The following CCNH variants were observed in gnomAD, a reference collection of about 807,000 sequenced individuals.
The protein encoded by CCNH is cyclin H, also known as cyclin-H.
A neutral mutation model predicts 41.9 loss-of-function variants in CCNH; 31 were observed. The ratio of observed to expected loss-of-function variants is 0.74; its 90% CI spans 0.56 to 1.00. CCNH has a LOEUF of 1.00. Ranked by LOEUF, CCNH falls within the 50% of genes least tolerant of loss-of-function variation. The pLI is 0.00. For synonymous variants in CCNH, 138 were observed against 136.1 expected, an observed-to-expected ratio of 1.01 and a Z score of -0.10; for missense variants, 362 against 388.4, an observed-to-expected ratio of 0.93 and a Z score of 0.57.
chr5:87,313,324 G>A, the CCNH span, among the ~76,000 whole-genome samples: 11 of 152,166 alleles, frequency 7.2e-5, no homozygotes, highest in Non-Finnish European at 1.6e-4. Flanking sequence ...AGGGAAGAGT[G>A]ATAGATAACT....
chr5:87,349,275 T>G, intron 9 of CCNH: 1 of 1,612,270 alleles, frequency 6.2e-7, no homozygotes, highest in Non-Finnish European at 8.5e-7. Context: ...ATTATTCACT[T>G]TATTTCCGGA....
chr5:87,371,590 T>G (rs1215947999), downstream of CCNH, among the ~76,000 whole-genome samples: 2 of 152,206 alleles, frequency 1.3e-5, no homozygotes, highest in East Asian at 3.9e-4. Context: ...TTGAGAAGCT[T>G]AAAAATAACC....
rs1253903016 is a variant in CCNH, at chr5:87,399,499, C to T, written c.767G>A (p.Arg256Lys). ...SQLLDIMKSM[R>K]NLVKKYEPPR... The stretch of plus-strand genomic sequence containing the variant: ...TGGTTCATACTTCTTTACTAAGTTT[C>T]TCATGCCTATGTGGATACAAAAAAA... The change falls in exon 7 of 9, where the codon AGA (arginine) becomes AAA (lysine). Residue 256 changes from arginine to lysine, a missense_variant. Coordinates refer to ENST00000256897, the MANE Select transcript of CCNH (RefSeq NM_001239.4). 1.9e-6 allele frequency: 3 copies of T among 1,605,584 alleles called. No homozygotes were observed. The African/African-American group carries it at 4.0e-5, about 21-fold the overall frequency.
intron 9 of CCNH, among the ~76,000 whole-genome samples, chr5:87,384,229 T>TA (rs1442607671): frequency 6.6e-6 from 1 of 152,124 alleles, no homozygotes; most frequent in Non-Finnish European, 1.5e-5. Flanking sequence ...TTCCTCCCGT[T>TA]AGAGATTTTT....
intron 7 of CCNH, among the ~76,000 whole-genome samples, chr5:87,395,479 A>G (rs537732327): frequency 4.6e-5 from 7 of 152,334 alleles, no homozygotes; most frequent in African/African-American, 1.7e-4. Context: ...AAACAGATCA[A>G]TGATCAGACT....
chr5:87,396,456 A>G (rs1423032545), intron 7 of CCNH, among the ~76,000 whole-genome samples: 1 of 152,106 alleles, frequency 6.6e-6, no homozygotes, highest in Non-Finnish European at 1.5e-5. Flanking sequence ...TCCCGTCTCT[A>G]CTAAAAATAC....
At position 87,395,854 on chromosome 5, in the gene CCNH, CAG is replaced by C. The variant is rs564891945; in HGVS notation, c.873-752_873-751del. Among the ~76,000 whole-genome samples, 228 of 152,128 alleles carry C rather than the reference CAG, an allele frequency of 1.5e-3. 1 individual carries two copies. The highest frequency in any genetic ancestry group is 6.8e-3 in the Middle Eastern group (2 of 294). ...ACTGCACTCCATCACACCTGGATGA[CAG>C]AGAGAAGACTTTTTCTCAAAAAAGC... On this transcript the variant is annotated intron_variant, in intron 7 of 8. Transcript: ENST00000256897.
At chr5:87,326,153 G>A (rs1757216249) in intron 9 of CCNH, among the ~76,000 whole-genome samples, 1 of 152,036 alleles carries the variant, frequency 6.6e-6, no homozygotes, top group Non-Finnish European at 1.5e-5. Context: ...TGTATTTTTT[G>A]TAGAGATGGC....
At chr5:87,335,443 T>TTG (rs1283313798) in intron 9 of CCNH, among the ~76,000 whole-genome samples, 8 of 142,542 alleles carry the variant, frequency 5.6e-5, no homozygotes, top group African/African-American at 1.9e-4. Context: ...TTTTTTTTTT[T>TTG]TGTGACAGTT....
At chr5:87,371,711 C>G (rs1018835303), downstream of CCNH, among the ~76,000 whole-genome samples, 1 of 152,192 alleles carries the variant, frequency 6.6e-6, no homozygotes, top group Admixed American at 6.5e-5. Context: ...AGCACTCTCC[C>G]CCTCTCACAA....
chr5:87,352,961 A>T (rs1285590613), intron 9 of CCNH, among the ~76,000 whole-genome samples: 2 of 151,998 alleles, frequency 1.3e-5, no homozygotes, highest in East Asian at 3.9e-4. Flanking sequence ...TCTGGCCTGT[A>T]AATCTATATT....
intron 7 of CCNH, among the ~76,000 whole-genome samples, chr5:87,397,132 G>GT (rs1397928921): frequency 6.6e-6 from 1 of 151,912 alleles, no homozygotes; most frequent in Non-Finnish European, 1.5e-5. Context: ...TTTGCAGTGA[G>GT]TTAAGTACAG....
chr5:87,313,810 A>G (rs889556102), downstream of CCNH, among the ~76,000 whole-genome samples: 4 of 152,246 alleles, frequency 2.6e-5, no homozygotes, highest in Admixed American at 6.5e-5. Flanking sequence ...AGATTTCTGT[A>G]GACAAAGGGA....
chr5:87,326,800 AATTT>A (rs142230511), intron 9 of CCNH, among the ~76,000 whole-genome samples: 1,796 of 152,260 alleles, frequency 0.012, 28 homozygotes, highest in African/African-American at 0.041. Flanking sequence ...AGCCCCAATT[AATTT>A]GAATGCTCTA....
chr5:87,346,549 T>A, intron 9 of CCNH: 1 of 550,302 alleles, frequency 1.8e-6, no homozygotes, highest in East Asian at 3.1e-5. Context: ...AATGAGATGA[T>A]TTGATTAATT....
At chr5:87,347,075 G>A (rs149962059) in intron 9 of CCNH, among the ~76,000 whole-genome samples, 4 of 151,830 alleles carry the variant, frequency 2.6e-5, no homozygotes, top group Admixed American at 1.3e-4. Flanking sequence ...CTTTTTTCAT[G>A]TTAGATATAT....
chr5:87,368,626 C>A (rs899492207), intron 9 of CCNH, among the ~76,000 whole-genome samples: 3 of 152,204 alleles, frequency 2.0e-5, no homozygotes, highest in Non-Finnish European at 4.4e-5. Context: ...CATGAAGGCA[C>A]AGCCCTTCAG....
At chr5:87,332,746 T>C in intron 9 of CCNH, 1 of 1,172,034 alleles carries the variant, frequency 8.5e-7, no homozygotes, top group East Asian at 2.6e-5. Flanking sequence ...TCAAGAAGTA[T>C]TTGTTGTATT....
At chr5:87,375,341 A>G (rs1024888094), downstream of CCNH, among the ~76,000 whole-genome samples, 9 of 149,220 alleles carry the variant, frequency 6.0e-5, no homozygotes, top group Admixed American at 1.3e-4. Context: ...GCTCACTGCA[A>G]CCTCCGCCTC....
Sources: allele counts gnomAD v4.1 joint callset (sites outside exome capture counted in the v4.1 genomes callset), GRCh38; gene constraint gnomAD v4.1.1; transcripts MANE v1.5; gene names NCBI Gene and HGNC (gene_info 2026-07-23, HGNC 2026-07-21).